Variants in TENM1 observed in about 807,000 individuals in gnomAD.
TENM1 encodes the protein teneurin transmembrane protein 1, also known as teneurin-1.
A neutral mutation model predicts 174.8 loss-of-function variants in TENM1; 35 were observed. That is an observed-to-expected ratio of 0.20 (90% CI 0.15 to 0.27). The LOEUF (loss-of-function observed/expected upper bound fraction) is 0.27. TENM1 is among the 10% of genes least tolerant of loss of function. The pLI is 1.00. For missense variants in TENM1, 1,633 were observed against 2,130.1 expected (o/e 0.77, Z 4.59); for synonymous variants, 781 against 798.7 (o/e 0.98, Z 0.37).
At chrX:124,786,323 T>C (rs746319888) in intron 3 of TENM1, among the ~76,000 whole-genome samples, 1 of 111,803 alleles carries the variant, frequency 8.9e-6, no homozygotes, top group East Asian at 2.8e-4. Flanking sequence ...TGTATTATTA[T>C]ATAAATAACT....
At chrX:124,725,967 A>G (rs191545496) in intron 4 of TENM1, among the ~76,000 whole-genome samples, 1 of 112,346 alleles carries the variant, frequency 8.9e-6, no homozygotes, top group African/African-American at 3.2e-5. Context: ...CTCTTGTTCA[A>G]AACCATACAT....
chrX:125,081,940 T>C, the TENM1 span, among the ~76,000 whole-genome samples: 13 of 110,585 alleles, frequency 1.2e-4, no homozygotes, highest in African/African-American at 4.3e-4. Flanking sequence ...CTAAACAATG[T>C]GTAGATATGG....
At chrX:124,834,607 G>A (rs768608528) in intron 3 of TENM1, among the ~76,000 whole-genome samples, 5 of 111,775 alleles carry the variant, frequency 4.5e-5, no homozygotes, top group Non-Finnish European at 9.4e-5. Flanking sequence ...GCTCCCAAGT[G>A]CAACCCTCAA....
chrX:124,678,105 A>G (rs1032334807), intron 5 of TENM1, among the ~76,000 whole-genome samples: 18 of 111,324 alleles, frequency 1.6e-4, no homozygotes, highest in African/African-American at 4.9e-4. Flanking sequence ...TCCACCTCCA[A>G]TGACTTTATA....
rs750343501 is a variant in TENM1, at chrX:124,895,994, A to G, written c.465T>C (p.Ser155=). Residue 155 remains serine, a synonymous_variant, in exon 2 of 32, where the codon TCT becomes TCC. Transcript: ENST00000422452. ...GTAGTTTATTACCATTTTCCCCATC[A>G]GACTTCCTTTCATGGTCAGTGTCAG... 4 of 1,211,339 alleles carry G rather than the reference A, an allele frequency of 3.3e-6. No homozygotes were observed. The South Asian group carries it at 7.0e-5, about 21-fold the overall frequency.
At chrX:124,551,528 C>CA in intron 14 of TENM1, among the ~76,000 whole-genome samples, 1 of 101,776 alleles carries the variant, frequency 9.8e-6, no homozygotes, top group Admixed American at 1.1e-4. Flanking sequence ...ACACACACAC[C>CA]CACACACACA....
the TENM1 span, among the ~76,000 whole-genome samples, chrX:125,183,382 T>C: frequency 3.6e-5 from 4 of 111,690 alleles, no homozygotes; most frequent in Non-Finnish European, 7.5e-5. Flanking sequence ...TCAGGCACTG[T>C]CTTGTGCCCA....
At chrX:124,452,901 A>G (rs1158773793) in intron 23 of TENM1, among the ~76,000 whole-genome samples, 3 of 107,599 alleles carry the variant, frequency 2.8e-5, no homozygotes, top group Non-Finnish European at 5.8e-5. Flanking sequence ...TAGGAGATAT[A>G]CCTAATGTAA....
chrX:125,112,862 T>C, the TENM1 span, among the ~76,000 whole-genome samples: 1 of 111,336 alleles, frequency 9.0e-6, no homozygotes, highest in Non-Finnish European at 1.9e-5. Context: ...GCTCAACTTG[T>C]TAAGATACCA....
At chrX:124,494,624 C>T (rs1357777278) in intron 20 of TENM1, among the ~76,000 whole-genome samples, 11 of 109,011 alleles carry the variant, frequency 1.0e-4, no homozygotes, top group Non-Finnish European at 1.5e-4. Flanking sequence ...AACTCGTCAT[C>T]TAGCATTAGG....
chrX:124,591,960 C>G (rs746009274), intron 11 of TENM1, among the ~76,000 whole-genome samples: 1 of 111,492 alleles, frequency 9.0e-6, no homozygotes, highest in Non-Finnish European at 1.9e-5. Flanking sequence ...TGGCATAGTT[C>G]AAAAGACTGG....
At chrX:124,408,930 T>C (rs2060497220) in intron 25 of TENM1, among the ~76,000 whole-genome samples, 2 of 105,216 alleles carry the variant, frequency 1.9e-5, no homozygotes, top group South Asian at 4.6e-4. Flanking sequence ...TTTGGTTTTT[T>C]GTCCTTGTGA....
intron 1 of TENM1, among the ~76,000 whole-genome samples, chrX:124,907,948 T>C (rs1303550431): frequency 9.0e-6 from 1 of 111,692 alleles, no homozygotes; most frequent in Non-Finnish European, 1.9e-5. Context: ...GCTGTGGAAG[T>C]TGGAAAACTA....
At chrX:124,487,051 T>C (rs2046968243) in intron 21 of TENM1, among the ~76,000 whole-genome samples, 158 bp downstream of exon 24, 1 of 112,287 alleles carries the variant, frequency 8.9e-6, no homozygotes, top group Admixed American at 9.5e-5. Context: ...ACCCTTCTTC[T>C]TTTGGAAGAC....
intron 3 of TENM1, among the ~76,000 whole-genome samples, chrX:124,802,986 T>C (rs1160864792): frequency 1.8e-5 from 2 of 112,037 alleles, no homozygotes; most frequent in Non-Finnish European, 3.8e-5. Flanking sequence ...CAAAGAAATA[T>C]TTTTAAAGAG....
intron 23 of TENM1, among the ~76,000 whole-genome samples, chrX:124,452,783 G>T (rs1243388930): frequency 9.9e-6 from 1 of 101,457 alleles, no homozygotes; most frequent in East Asian, 3.2e-4. Flanking sequence ...ACCAAACATC[G>T]CATGTTCTCA....
At chrX:124,672,803 A>T (rs2051957202) in intron 5 of TENM1, among the ~76,000 whole-genome samples, 1 of 111,920 alleles carries the variant, frequency 8.9e-6, no homozygotes, top group Admixed American at 9.5e-5. Flanking sequence ...TAAGGTATCA[A>T]ATGAAAAACA....
chrX:124,808,111 T>C (rs371454748), intron 3 of TENM1, among the ~76,000 whole-genome samples: 10 of 111,664 alleles, frequency 9.0e-5, no homozygotes, highest in Middle Eastern at 4.7e-3. Context: ...AGGACACATA[T>C]AGACTGAAAG....
chrX:124,791,124 A>G (rs2055170372), intron 3 of TENM1, among the ~76,000 whole-genome samples: 1 of 112,400 alleles, frequency 8.9e-6, no homozygotes, highest in Non-Finnish European at 1.9e-5. Context: ...ACAGATACAG[A>G]AAGAATCCTA....
Sources: gnomAD v4.1 joint callset for allele counts (sites outside exome capture counted in the v4.1 genomes callset) on GRCh38, gnomAD v4.1.1 for gene constraint, MANE v1.5 for transcripts, NCBI Gene and HGNC (gene_info 2026-07-23, HGNC 2026-07-21) for gene names.